KIF20B: variants seen among roughly 807,000 people sequenced by gnomAD.
KIF20B encodes the protein kinesin-like protein KIF20B.
In KIF20B, 188 loss-of-function variants were observed where a neutral mutation model predicts 232.5. The observed-to-expected ratio is 0.81, with a 90% confidence interval of 0.72 to 0.91. The LOEUF (loss-of-function observed/expected upper bound fraction) is 0.91. Among genes scored for constraint, KIF20B ranks in the 40% least tolerant of loss-of-function variants. The probability of loss-of-function intolerance (pLI) is 0.00; values close to 1 mark genes in which losing one functional copy is unlikely to be tolerated. For missense variants in KIF20B, 2,154 were observed against 2,055.9 expected, an observed-to-expected ratio of 1.05 and a Z score of -0.92; for synonymous variants, 712 against 683.0, an observed-to-expected ratio of 1.04 and a Z score of -0.66.
At chr10:89,718,969 A>G (rs1842992367) in intron 12 of KIF20B, 97 bp downstream of exon 12, 1 of 778,422 alleles carries the variant, frequency 1.3e-6, no homozygotes, top group Non-Finnish European at 1.9e-6. Context: ...CTAGGAAATA[A>G]TTGAAAATTA....
Position 89,729,246 on chromosome 10 carries a change from A to G in KIF20B, c.2390A>G (p.Asn797Ser), listed in dbSNP as rs1329952739. The G allele has an allele frequency of 1.3e-6, 2 of 1,482,098 alleles. No individual in the cohort carries two copies. The highest frequency in any genetic ancestry group is 1.8e-6 in the Non-Finnish European group (2 of 1,106,352). 91.8% of individuals were successfully genotyped at this position (1,482,098 alleles called of 1,614,324 possible). ...KSHMENTFKC[N>S]DKADTSSLII... ...CATATGGAAAACACATTTAAATGCA[A>G]TGTAAGAATTTAACCTTGTGTTATA... Residue 797 changes from asparagine (N) to serine (S), a missense_variant and splice_region_variant, in exon 18 of 33, where the codon AAT becomes AGT. Asn to Ser is a conservative substitution (Grantham distance 46). Transcript: ENST00000371728.
intron 18 of KIF20B, among the ~76,000 whole-genome samples, 177 bp downstream of exon 18, chr10:89,729,424 C>T (rs948906149): frequency 1.3e-5 from 2 of 152,132 alleles, no homozygotes; most frequent in African/African-American, 4.8e-5. Flanking sequence ...AGAACTTAGA[C>T]GAGGGTGTTT....
intron 25 of KIF20B, among the ~76,000 whole-genome samples, chr10:89,753,157 G>T (rs562314466): frequency 3.3e-5 from 5 of 151,926 alleles, no homozygotes; most frequent in Non-Finnish European, 7.4e-5. Context: ...GTGTGTGTGT[G>T]TTTTTTTCTT....
At position 89,737,905 on chromosome 10, in the gene KIF20B, C is replaced by T; in HGVS notation, c.3064C>T (p.Pro1022Ser). Residue 1022 changes from proline (P) to serine (S), a missense_variant, in exon 20 of 33, where the codon CCA (proline) becomes TCA (serine). Transcript: ENST00000371728. The part of the protein sequence containing the change: ...LSNGSEEDNL[P>S]NTQLDLLGND... ...AAATGGTTCTGAGGAGGATAATTTG[C>T]CAAATACACAGTTAGACCTTTTAGG... 2 of 1,613,230 alleles carry T rather than the reference C, an allele frequency of 1.2e-6. No homozygotes were observed. Among genetic ancestry groups the T allele is most frequent in the Non-Finnish European group, 1.7e-6 (2 of 1,179,484 alleles).
At chr10:89,752,514 A>G (rs1842041421) in intron 24 of KIF20B, 53 bp from the exon 25 acceptor site, 1 of 1,386,378 alleles carries the variant, frequency 7.2e-7, no homozygotes, top group Non-Finnish European at 9.8e-7. Context: ...GTATCTCTAC[A>G]TGGTATAACT....
At chr10:89,742,098 G>A (rs181703854) in intron 21 of KIF20B, among the ~76,000 whole-genome samples, 177 of 152,234 alleles carry the variant, frequency 1.2e-3, no homozygotes, top group Non-Finnish European at 2.0e-3. Flanking sequence ...TCTATGGTAA[G>A]AACAAATCTT....
chr10:89,727,102 C>G (rs1375832505), intron 16 of KIF20B, among the ~76,000 whole-genome samples: 2 of 151,926 alleles, frequency 1.3e-5, no homozygotes, highest in African/African-American at 4.8e-5. Flanking sequence ...ATGAGCCGTG[C>G]TGTGCCTGGC....
rs773387834 is a variant in KIF20B, at chr10:89,760,535, A to G, written c.4690A>G (p.Ile1564Val). 6 of 1,608,496 alleles carry G rather than the reference A, an allele frequency of 3.7e-6. No homozygotes were observed. Among genetic ancestry groups the G allele is most frequent in the Admixed American group, 3.3e-5 (2 of 59,836 alleles). The change falls in exon 28 of 33, where the codon ATC becomes GTC. Residue 1564 changes from isoleucine to valine, a missense_variant. Physicochemically the swap from Ile to Val is conservative, Grantham distance 29 (BLOSUM62 3). Transcript: ENST00000371728. The stretch of plus-strand genomic sequence containing the variant: ...TATTTCCTTACTTTAGGAAACACAA[A>G]TCATGGATATCAAGCCCAAACGTAT... ...ISETSKIETQ[I>V]MDIKPKRISS...
chr10:89,759,613 A>AC (rs1293995643), intron 27 of KIF20B, among the ~76,000 whole-genome samples: 1 of 152,168 alleles, frequency 6.6e-6, no homozygotes, highest in Admixed American at 6.6e-5. Context: ...AGTCAGAAAA[A>AC]CTAGGTATCA....
chr10:89,739,695 C>T (rs2133131300), intron 21 of KIF20B, among the ~76,000 whole-genome samples: 1 of 146,822 alleles, frequency 6.8e-6, no homozygotes, highest in South Asian at 2.2e-4. Flanking sequence ...AGGTAGTTAC[C>T]AAATAATACT....
intron 26 of KIF20B, 47 bp from the exon 27 acceptor site, chr10:89,758,659 A>G (rs1234219441): frequency 6.1e-6 from 8 of 1,315,382 alleles, no homozygotes; most frequent in South Asian, 1.7e-5. Flanking sequence ...TCTTAGATTC[A>G]TAATATATCA....
Position 89,774,006 on chromosome 10 carries a change from C to A in KIF20B, c.5421C>A (p.His1807Gln), listed in dbSNP as rs753144923. The change falls in exon 33 of 33, where the codon CAC (histidine) becomes CAA (glutamine). Residue 1807 changes from histidine (H) to glutamine (Q), a missense_variant. Coordinates refer to ENST00000371728, the MANE Select transcript of KIF20B (RefSeq NM_001284259.2). ...ACCAGAAAATGAAGGAGAGTGATCACCAGATTATCAAACGACGACTTCGAA... is the reference window on the plus strand; with the variant it reads ...ACCAGAAAATGAAGGAGAGTGATCAACAGATTATCAAACGACGACTTCGAA... The part of the protein sequence containing the change: ...LMDQKMKESD[H>Q]QIIKRRLRTK... The A allele has an allele frequency of 1.4e-5, 23 of 1,587,062 alleles. No individual in the cohort carries two copies. The Admixed American group carries it at 1.7e-4, about 12-fold the overall frequency.
At chr10:89,724,906 T>C in intron 14 of KIF20B, 114 bp from the exon 15 acceptor site, 1 of 1,015,858 alleles carries the variant, frequency 9.8e-7, no homozygotes, top group Non-Finnish European at 1.4e-6. Context: ...TGAACCACTG[T>C]ACCTGGACTA....
At chr10:89,751,698 A>G (rs546998607) in intron 24 of KIF20B, among the ~76,000 whole-genome samples, 10 of 152,014 alleles carry the variant, frequency 6.6e-5, no homozygotes, top group Non-Finnish European at 1.3e-4. Context: ...ATAACTTACG[A>G]ATTATATATT....
At chr10:89,728,899 T>TG (rs1157930508) in intron 17 of KIF20B, among the ~76,000 whole-genome samples, 4 of 132,566 alleles carry the variant, frequency 3.0e-5, no homozygotes, top group Non-Finnish European at 5.0e-5. Flanking sequence ...ATAGCTTCTT[T>TG]TTTCTTTGTG....
In KIF20B at chr10:89,741,404, A is replaced by G. The variant is rs1030307113; in HGVS notation, c.3915+2308A>G. 3.9e-5 allele frequency among the ~76,000 whole-genome samples: 6 copies of G among 152,334 alleles called. No individual in the cohort carries two copies. The East Asian group carries it at 5.8e-4, about 15-fold the overall frequency. On this transcript the variant is annotated intron_variant, in intron 21 of 32. Transcript: ENST00000371728. Reference sequence around the variant, plus strand: ...TATGGATCAGTATTTGTCTGTGGCCAGGTGGTTGAGGCTCCCTCCTCATAT... The same window carrying G: ...TATGGATCAGTATTTGTCTGTGGCCGGGTGGTTGAGGCTCCCTCCTCATAT...
intron 1 of KIF20B, among the ~76,000 whole-genome samples, chr10:89,703,582 CT>C (rs1478714277): frequency 1.3e-5 from 2 of 152,072 alleles, no homozygotes; most frequent in Non-Finnish European, 2.9e-5. Context: ...GCAGCAGTGG[CT>C]TGGGGGTCTT....
At position 89,714,993 on chromosome 10, in the gene KIF20B, G is replaced by A. The variant is rs182944047; in HGVS notation, c.751G>A (p.Glu251Lys). ...TNSLNISEFE[E>K]SIKDYEQANL... is the part of the protein sequence containing the mutation. ...CTCTTTGAATATCTCAGAGTTTGAAGAATCCATAAAAGATTATGAACAAGC... is the reference window on the plus strand; with the variant it reads ...CTCTTTGAATATCTCAGAGTTTGAAAAATCCATAAAAGATTATGAACAAGC... The change falls in exon 8 of 33, where the codon GAA becomes AAA. Residue 251 changes from glutamate (E) to lysine (K), a missense_variant. By Grantham distance (56) the Glu-to-Lys change is moderately conservative. Transcript: ENST00000371728. 6.3e-7 allele frequency: 1 copy of A among 1,588,720 alleles called. No homozygotes were observed. Among genetic ancestry groups the A allele is most frequent in the East Asian group, 2.3e-5 (1 of 44,400 alleles).
chr10:89,755,614 G>C (rs1157857919), intron 26 of KIF20B, among the ~76,000 whole-genome samples: 2 of 150,348 alleles, frequency 1.3e-5, no homozygotes, highest in African/African-American at 2.5e-5. Flanking sequence ...CTTTTAAAGA[G>C]ACAAGGTCTT....
Sources: allele counts gnomAD v4.1 joint callset (sites outside exome capture counted in the v4.1 genomes callset), GRCh38; gene constraint gnomAD v4.1.1; transcripts MANE v1.5; gene names NCBI Gene and HGNC (gene_info 2026-07-23, HGNC 2026-07-21).